Variants in RGS3 observed in about 807,000 individuals in gnomAD.
RGS3 encodes the protein regulator of G-protein signalling 3.
A neutral mutation model predicts 132.6 loss-of-function variants in RGS3; 80 were observed. That is an observed-to-expected ratio of 0.60 (90% CI 0.50 to 0.73). RGS3 has a LOEUF of 0.73. Ranked by LOEUF, RGS3 falls within the 30% of genes least tolerant of loss-of-function variation. The pLI is 0.00. For synonymous variants in RGS3, 598 were observed against 620.6 expected, an observed-to-expected ratio of 0.96 and a Z score of 0.54; for missense variants, 1,382 against 1,530.8, an observed-to-expected ratio of 0.90 and a Z score of 1.62.
intron 19 of RGS3, among the ~76,000 whole-genome samples, chr9:113,545,912 G>A (rs1833093365): frequency 6.6e-6 from 1 of 152,232 alleles, no homozygotes; most frequent in Non-Finnish European, 1.5e-5. Flanking sequence ...CAGCTAGTGG[G>A]TAGCTAGGAT....
Position 113,595,588 on chromosome 9 carries a change from TCTC to T in RGS3, c.3245-7_3245-5del, listed in dbSNP as rs887470441. 6.2e-6 allele frequency: 10 copies of T among 1,612,642 alleles called. 1 individual carries two copies. The African/African-American group carries it at 9.3e-5, about 15-fold the overall frequency. ...GTTTGCCTCTTACCCCAGGATCCGT[TCTC>T]CTCACAGACGGGTTAGCAGTGTTCC... On this transcript the variant is annotated splice_polypyrimidine_tract_variant and splice_region_variant and intron_variant, in intron 23 of 24. Coordinates refer to ENST00000350696, the Ensembl canonical transcript of RGS3.
At chr9:113,594,640 T>C (rs1024053222) in intron 22 of RGS3, 109 bp downstream of exon 20, 1 of 920,838 alleles carries the variant, frequency 1.1e-6, no homozygotes, top group African/African-American at 1.7e-5. Flanking sequence ...TTGATCCAGC[T>C]CTGGGGGAGA....
At chr9:113,593,983 G>T in intron 21 of RGS3, 1 of 1,613,070 alleles carries the variant, frequency 6.2e-7, no homozygotes. Context: ...GGCCCCAGAG[G>T]CTGTCCCTTG....
chr9:113,534,610 A>ATT (rs58115176), intron 18 of RGS3, among the ~76,000 whole-genome samples: 6 of 128,752 alleles, frequency 4.7e-5, no homozygotes, highest in African/African-American at 1.4e-4. Flanking sequence ...GTACAGATGA[A>ATT]TTTTTTTTTT....
At chr9:113,456,651 T>G (rs1829367720), upstream of RGS3, among the ~76,000 whole-genome samples, 4 of 141,230 alleles carry the variant, frequency 2.8e-5, no homozygotes, top group Non-Finnish European at 6.3e-5. Context: ...AACCAATTTG[T>G]TTTTTTTTTT....
At chr9:113,558,031 G>A (rs936241093) in intron 19 of RGS3, among the ~76,000 whole-genome samples, 1 of 152,214 alleles carries the variant, frequency 6.6e-6, no homozygotes. Context: ...AAGTCGAGAG[G>A]CAGGGAGCAG....
At chr9:113,586,331 A>G (rs113946238) in intron 20 of RGS3, among the ~76,000 whole-genome samples, 2 of 152,196 alleles carry the variant, frequency 1.3e-5, no homozygotes, top group African/African-American at 2.4e-5. Context: ...ACTTGCTCCA[A>G]TAAAACTATT....
At chr9:113,524,358 T>A (rs1832102018) in intron 17 of RGS3, among the ~76,000 whole-genome samples, 1 of 152,002 alleles carries the variant, frequency 6.6e-6, no homozygotes, top group Non-Finnish European at 1.5e-5. Flanking sequence ...TAGGACCCCA[T>A]CACATTTGAG....
At chr9:113,544,206 C>A (rs1425374371) in intron 19 of RGS3, among the ~76,000 whole-genome samples, 1 of 152,086 alleles carries the variant, frequency 6.6e-6, no homozygotes. Context: ...GGAGCACAAC[C>A]ATTTATTGTT....
intron 20 of RGS3, among the ~76,000 whole-genome samples, chr9:113,587,255 A>G (rs1243111789): frequency 6.6e-6 from 1 of 152,040 alleles, no homozygotes; most frequent in Non-Finnish European, 1.5e-5. Flanking sequence ...TGGCAGAGGG[A>G]CAGTGGCAGG....
intron 19 of RGS3, among the ~76,000 whole-genome samples, chr9:113,575,972 G>A (rs930640294): frequency 1.3e-5 from 2 of 152,274 alleles, no homozygotes; most frequent in Admixed American, 1.3e-4. Context: ...GTTTACGAAT[G>A]TGTATTTTAT....
rs1830309450 is a variant in RGS3, at chr9:113,485,673, G to T, written c.669G>T (p.Trp223Cys). The T allele has an allele frequency of 3.8e-6, 6 of 1,593,656 alleles. No homozygotes were observed. In the East Asian group the frequency reaches 9.0e-5, roughly 24 times the overall value. ...AGAAGCGTCTCTTGGTTACTGTGTG[G>T]AACAGGGCCAGCCAGTCCAGGTGAG... The change falls in exon 7 of 25, where the codon TGG (tryptophan) becomes TGT (cysteine). Residue 223 changes from tryptophan (W) to cysteine (C), a missense_variant. Physicochemically the swap from Trp to Cys is radical, Grantham distance 215. Coordinates refer to ENST00000350696, the Ensembl canonical transcript of RGS3.
At chr9:113,524,103 C>T (rs1007920649) in intron 17 of RGS3, among the ~76,000 whole-genome samples, 1 of 152,200 alleles carries the variant, frequency 6.6e-6, no homozygotes, top group Admixed American at 6.5e-5. Flanking sequence ...TGAGCAACTC[C>T]AGTTCCGGCA....
chr9:113,489,677 C>T (rs1450418513), intron 7 of RGS3, among the ~76,000 whole-genome samples: 1 of 151,894 alleles, frequency 6.6e-6, no homozygotes, highest in Non-Finnish European at 1.5e-5. Flanking sequence ...GTACATGCCA[C>T]CACACCCAGC....
chr9:113,488,042 A>G (rs2119242421), intron 7 of RGS3, among the ~76,000 whole-genome samples: 1 of 152,268 alleles, frequency 6.6e-6, no homozygotes, highest in South Asian at 2.1e-4. Flanking sequence ...GGAATGATGG[A>G]TGCACATTCT....
At chr9:113,573,489 AG>A (rs1418974460) in intron 19 of RGS3, among the ~76,000 whole-genome samples, 1 of 152,200 alleles carries the variant, frequency 6.6e-6, no homozygotes, top group Non-Finnish European at 1.5e-5. Context: ...GCACATGGAT[AG>A]GAATTGGGAT....
intron 17 of RGS3, among the ~76,000 whole-genome samples, chr9:113,527,297 T>C (rs1832256340): frequency 6.6e-6 from 1 of 152,202 alleles, no homozygotes; most frequent in African/African-American, 2.4e-5. Flanking sequence ...CCTTCTCTTT[T>C]CTTGCCGCCA....
Position 113,495,002 on chromosome 9 carries a change from G to A in RGS3, c.690-784G>A, listed in dbSNP as rs181141768. Among the ~76,000 whole-genome samples the A allele has an allele frequency of 8.5e-5, 13 of 152,204 alleles. No individual in the cohort carries two copies. The East Asian group carries it at 2.3e-3, about 27-fold the overall frequency. On this transcript the variant is annotated intron_variant, in intron 7 of 24. Transcript: ENST00000350696. ...TGACTCTCCTGCCTCAGCCTCCTGA[G>A]TAGCTAGGATTATAAGCATGCACCA...
Position 113,581,034 on chromosome 9 carries a change from G to A in RGS3, c.2038-2416G>A, listed in dbSNP as rs1028624416. ...GGTGGCTGGGCCAGGGGGTGGGTCG[G>A]GGGGAGGTCTGGCCATGTGGTAGGG... is the stretch of plus-strand genomic sequence containing the variant. On this transcript the variant is annotated intron_variant, in intron 19 of 24. Coordinates refer to ENST00000350696, the Ensembl canonical transcript of RGS3. The A allele has an allele frequency of 6.4e-6, 6 of 930,950 alleles. No individual in the cohort carries two copies. In the African/African-American group the frequency reaches 9.0e-5, roughly 14 times the overall value. 57.7% of individuals were successfully genotyped at this position (930,950 alleles called of 1,614,324 possible). A position where few individuals can be genotyped will look rare whatever the true frequency, so the allele number is the denominator to read the frequency against.
Sources: allele counts gnomAD v4.1 joint callset (sites outside exome capture counted in the v4.1 genomes callset), GRCh38; gene constraint gnomAD v4.1.1; transcripts MANE v1.5; gene names NCBI Gene and HGNC (gene_info 2026-07-23, HGNC 2026-07-21).